MMP13: variants seen among roughly 807,000 people sequenced by gnomAD.
MMP13 encodes collagenase 3.
In MMP13, 45 loss-of-function variants were observed where a neutral mutation model predicts 52.1. The observed-to-expected ratio is 0.86, with a 90% CI of 0.68 to 1.11. The LOEUF is 1.11. MMP13 is among the 50% of genes least tolerant of loss of function. MMP13 has a pLI of 0.00. For synonymous variants in MMP13, 200 were observed against 204.4 expected (o/e 0.98, Z 0.18); for missense variants, 576 against 583.8 (o/e 0.99, Z 0.14).
chr11:102,943,189 T>C lies in MMP13; in HGVS notation c.*1077A>G, dbSNP rs530128848. 11 of 152,076 alleles carry C rather than the reference T, an allele frequency of 7.2e-5. No individual in the cohort carries two copies. The highest frequency in any genetic ancestry group is 1.5e-4 in the Non-Finnish European group (10 of 68,026). The allele number at this position is 152,076 out of a possible 1,614,324, so 9.4% of individuals were successfully genotyped here. On this transcript the variant is annotated 3_prime_UTR_variant, in exon 10 of 10. Coordinates refer to ENST00000260302, the MANE Select transcript of MMP13 (RefSeq NM_002427.4). ...AAGTATCAATAGGCACTGTGGGAAG[T>C]GCTGGGGGATTTTTTTAAATGCAGA...
intron 9 of MMP13, chr11:102,945,131 C>G: frequency 2.9e-6 from 1 of 343,372 alleles, no homozygotes; most frequent in Non-Finnish European, 5.9e-6. Context: ...GTAATCCCAG[C>G]TACTCCAGAG....
rs1860689394 is a variant in MMP13 at position 102,955,711 on chromosome 11, A to G, written c.-6T>C. ...GCCAGGACCCCTGGATGCATCTTGA[A>G]TGGTGATGCCTGGGGACTGTTGTCT... is the stretch of plus-strand genomic sequence containing the variant. On this transcript the variant is annotated 5_prime_UTR_variant, in exon 1 of 10. Transcript: ENST00000260302. The surrounding 1 kb of genome is among the most constrained non-coding windows in gnomAD (Gnocchi z 4.9). 6 of 1,613,890 alleles carry G rather than the reference A, an allele frequency of 3.7e-6. No individual in the cohort carries two copies. Among genetic ancestry groups the G allele is most frequent in the Non-Finnish European group, 5.1e-6 (6 of 1,179,832 alleles).
At chr11:102,948,233 A>G (rs1860548167) in intron 7 of MMP13, among the ~76,000 whole-genome samples, 183 bp from the exon 8 acceptor site, 1 of 152,198 alleles carries the variant, frequency 6.6e-6, no homozygotes, top group South Asian at 2.1e-4. Context: ...AAAAAATAAA[A>G]TTTAGGATCT....
chr11:102,944,821 A>G (rs1439286625), intron 9 of MMP13, among the ~76,000 whole-genome samples: 1 of 129,966 alleles, frequency 7.7e-6, no homozygotes, highest in Non-Finnish European at 1.6e-5. Context: ...GGGTTTCGCC[A>G]TGTTGGTCAG....
intron 4 of MMP13, 81 bp downstream of exon 4, chr11:102,954,075 T>A: frequency 2.0e-6 from 3 of 1,504,706 alleles, no homozygotes; most frequent in Non-Finnish European, 9.1e-7. Context: ...ATATTTAACT[T>A]TTATGTGTTT....
rs1476635515 is a variant in MMP13 at position 102,955,212 on chromosome 11, A to C, written c.362+40T>G. 1 of 1,606,142 alleles carries C rather than the reference A, an allele frequency of 6.2e-7. No individual in the cohort carries two copies. On this transcript the variant is annotated intron_variant, in intron 2 of 9. Transcript: ENST00000260302. This position sits in a 1 kb window ranked among gnomAD's most constrained non-coding sequence, Gnocchi z 4.9. The stretch of plus-strand genomic sequence containing the variant: ...TATTAGACATTTAATACTACAAGAA[A>C]AGGCTAACAAATATGAAAGAAAGAT...
chr11:102,949,520 C>T lies in MMP13; in HGVS notation c.918-362G>A, dbSNP rs1463631214. On this transcript the variant is annotated intron_variant, in intron 6 of 9. Transcript: ENST00000260302. This position sits in a 1 kb window ranked among gnomAD's most constrained non-coding sequence, Gnocchi z 4.2. ...ATATGAACTATGTCTTCCATGGTCT[C>T]ATGGCCTGGGAAAACATACATGAGA... Among the ~76,000 whole-genome samples the T allele has an allele frequency of 2.6e-5, 4 of 152,114 alleles. No individual in the cohort carries two copies. Among genetic ancestry groups the T allele is most frequent in the Admixed American group, 6.6e-5 (1 of 15,260 alleles).
chr11:102,955,706 C>A lies in MMP13; in HGVS notation c.-1G>T. The A allele has an allele frequency of 6.2e-7, 1 of 1,613,894 alleles. No homozygotes were observed. Among genetic ancestry groups the A allele is most frequent in the Non-Finnish European group, 8.5e-7 (1 of 1,179,856 alleles). ...AGGCAGCCAGGACCCCTGGATGCAT[C>A]TTGAATGGTGATGCCTGGGGACTGT... is the stretch of plus-strand genomic sequence containing the variant. On this transcript the variant is annotated 5_prime_UTR_variant, in exon 1 of 10. Transcript: ENST00000260302. This position sits in a 1 kb window ranked among gnomAD's most constrained non-coding sequence, Gnocchi z 4.9.
At chr11:102,944,752 T>C (rs1353568080) in intron 9 of MMP13, among the ~76,000 whole-genome samples, 9 of 145,168 alleles carry the variant, frequency 6.2e-5, no homozygotes, top group Non-Finnish European at 1.2e-4. Flanking sequence ...GGATTACAGG[T>C]GCATGCCACC....
In MMP13 at chr11:102,944,184, C is replaced by G; in HGVS notation, c.*82G>C. The stretch of plus-strand genomic sequence containing the variant: ...ACAGAACCAAGCTTTCTCCTGATAG[C>G]TCTTCTTCCCCTACCCCGCACTTCT... On this transcript the variant is annotated 3_prime_UTR_variant, in exon 10 of 10. Transcript: ENST00000260302. 2 of 1,003,098 alleles carry G rather than the reference C, an allele frequency of 2.0e-6. No individual in the cohort carries two copies. Among genetic ancestry groups the G allele is most frequent in the Non-Finnish European group, 3.2e-6 (2 of 631,398 alleles). 62.1% of individuals were successfully genotyped at this position (1,003,098 alleles called of 1,614,324 possible).
chr11:102,950,214 T>A lies in MMP13; in HGVS notation c.813A>T (p.Glu271Asp). The A allele has an allele frequency of 6.2e-7, 1 of 1,613,310 alleles. No individual in the cohort carries two copies. Among genetic ancestry groups the A allele is most frequent in the Non-Finnish European group, 8.5e-7 (1 of 1,179,272 alleles). ...GIQSLYGPGD[E>D]DPNPKHPKTP... is the part of the protein sequence containing the mutation. ...TTTTTGGATGTTTAGGGTTGGGGTC[T>A]TCATCTCCTGGACCTGTAGTCGTGA... The change falls in exon 6 of 10, where the codon GAA becomes GAT. Residue 271 changes from glutamate (E) to aspartate (D), a missense_variant. Transcript: ENST00000260302.
rs782161923 is a variant in MMP13, at chr11:102,948,178, GTCA to G, written c.1052-131_1052-129del. ...ATTAATAAAATATTTAGTATTTACA[GTCA>G]TCATGTTTATGAAACATAAAAATAT... On this transcript the variant is annotated intron_variant, in intron 7 of 9. Transcript: ENST00000260302. The G allele has an allele frequency of 2.1e-5, 16 of 744,204 alleles. No individual in the cohort carries two copies. The South Asian group carries it at 3.1e-4, about 14-fold the overall frequency. 46.1% of individuals were successfully genotyped at this position (744,204 alleles called of 1,614,324 possible). A position where few individuals can be genotyped will look rare whatever the true frequency, so the allele number is the denominator to read the frequency against.
In MMP13 at chr11:102,950,228, C is replaced by G; in HGVS notation, c.800-1G>C. 2 of 1,608,588 alleles carry G rather than the reference C, an allele frequency of 1.2e-6. No homozygotes were observed. Among genetic ancestry groups the G allele is most frequent in the South Asian group, 1.1e-5 (1 of 90,950 alleles). On this transcript the variant is annotated splice_acceptor_variant, in intron 5 of 9. Transcript: ENST00000260302. LOFTEE classifies it high-confidence loss of function. ...GGGTTGGGGTCTTCATCTCCTGGAC[C>G]TGTAGTCGTGAAAGGCAAGAGAGAA...
rs138688754 is a variant in MMP13 at position 102,949,782 on chromosome 11, G to A, written c.917+328C>T. Among the ~76,000 whole-genome samples the A allele has an allele frequency of 2.0e-5, 3 of 152,196 alleles. No homozygotes were observed. Among genetic ancestry groups the A allele is most frequent in the East Asian group, 3.9e-4 (2 of 5,184 alleles). On this transcript the variant is annotated intron_variant, in intron 6 of 9. Coordinates refer to ENST00000260302, the MANE Select transcript of MMP13 (RefSeq NM_002427.4). This position sits in a 1 kb window ranked among gnomAD's most constrained non-coding sequence, Gnocchi z 4.2. ...CAAAACGAATCCGTGTGGGCCTAACGAGTAACCATTTATTAATACAGCAGT... is the reference window on the plus strand; with the variant it reads ...CAAAACGAATCCGTGTGGGCCTAACAAGTAACCATTTATTAATACAGCAGT...
chr11:102,945,188 G>C lies in MMP13; in HGVS notation c.1315+458C>G, dbSNP rs183179628. On this transcript the variant is annotated intron_variant, in intron 9 of 9. Coordinates refer to ENST00000260302, the MANE Select transcript of MMP13 (RefSeq NM_002427.4). ...GAACCCAGGAGGCGGAGGTTGCAGC[G>C]AGCTCAGATTGCGACAATGAACTCC... The C allele has an allele frequency of 2.6e-3, 1,380 of 536,444 alleles. 38 individuals are homozygous for C. In the Admixed American group the frequency reaches 0.034, roughly 13 times the overall value. 33.2% of individuals were successfully genotyped at this position (536,444 alleles called of 1,614,324 possible). A position where few individuals can be genotyped will look rare whatever the true frequency, so the allele number is the denominator to read the frequency against.
Position 102,949,041 on chromosome 11 carries a change from G to A in MMP13, c.1035C>T (p.Leu345=). ...DAAYEHPSHD[L]IFIFRGRKFW... is the part of the protein sequence containing the mutation. ...AAAGCTTACCTCTGAAGATGAAGATGAGGTCATGAGAAGGGTGCTCATATG... is the reference window on the plus strand; with the variant it reads ...AAAGCTTACCTCTGAAGATGAAGATAAGGTCATGAGAAGGGTGCTCATATG... Residue 345 remains leucine (L), a synonymous_variant, in exon 7 of 10, where the codon CTC becomes CTT. Transcript: ENST00000260302. This position sits in a 1 kb window ranked among gnomAD's most constrained non-coding sequence, Gnocchi z 4.2. The A allele has an allele frequency of 6.2e-7, 1 of 1,613,790 alleles. No individual in the cohort carries two copies. Among genetic ancestry groups the A allele is most frequent in the Non-Finnish European group, 8.5e-7 (1 of 1,179,802 alleles).
At chr11:102,948,966 A>G (rs1860561793) in intron 7 of MMP13, 59 bp downstream of exon 7, 2 of 1,603,990 alleles carry the variant, frequency 1.2e-6, no homozygotes, top group African/African-American at 2.7e-5. Flanking sequence ...CTCTAGTGGC[A>G]TCAAATTCAG....
rs1860570166 is a variant in MMP13 at position 102,949,334 on chromosome 11, C to T, written c.918-176G>A. Among the ~76,000 whole-genome samples the T allele has an allele frequency of 6.6e-6, 1 of 152,118 alleles. No homozygotes were observed. Among genetic ancestry groups the T allele is most frequent in the African/African-American group, 2.4e-5 (1 of 41,428 alleles). ...AGCGCCAGTGACAAGTTGTGCTATC[C>T]TAACTAGCGTAAGGTATTCAACTTT... On this transcript the variant is annotated intron_variant, in intron 6 of 9. Coordinates refer to ENST00000260302, the MANE Select transcript of MMP13 (RefSeq NM_002427.4). This position sits in a 1 kb window ranked among gnomAD's most constrained non-coding sequence, Gnocchi z 4.2.
chr11:102,950,045 A>G (rs1860583749), intron 6 of MMP13, 65 bp downstream of exon 6: 7 of 1,361,820 alleles, frequency 5.1e-6, no homozygotes, highest in Admixed American at 1.7e-5. Context: ...TGTTTTGGCA[A>G]TATGCAGAAG....
Sources: gnomAD v4.1 joint callset for allele counts (sites outside exome capture counted in the v4.1 genomes callset) on GRCh38, gnomAD v4.1.1 for gene constraint, Gnocchi (gnomAD v3.1) non-coding constraint, MANE v1.5 for transcripts, NCBI Gene and HGNC (gene_info 2026-07-23, HGNC 2026-07-21) for gene names.